ZNF33B: variants seen among roughly 807,000 people sequenced by gnomAD.
ZNF33B encodes zinc finger protein 11b (KOX 2).
A neutral mutation model predicts 45.8 loss-of-function variants in ZNF33B; 29 were observed. That is an observed-to-expected ratio of 0.63 (90% CI 0.47 to 0.86). ZNF33B has a LOEUF of 0.86. Ranked by LOEUF, ZNF33B falls within the 40% of genes least tolerant of loss-of-function variation. ZNF33B has a pLI of 0.00. For synonymous variants in ZNF33B, 305 were observed against 307.8 expected, an observed-to-expected ratio of 0.99 and a Z score of 0.10; for missense variants, 831 against 909.9, an observed-to-expected ratio of 0.91 and a Z score of 1.12.
chr10:42,614,493 T>C (rs1318969708), intron 4 of ZNF33B: 1 of 152,454 alleles, frequency 6.6e-6, no homozygotes, highest in Non-Finnish European at 1.5e-5. Flanking sequence ...CCAATGTTGG[T>C]TCAACAGCTG....
rs970879784 is a variant in ZNF33B, at chr10:42,590,671, T to C, written c.*1942A>G. On this transcript the variant is annotated 3_prime_UTR_variant, in exon 5 of 5. Coordinates refer to ENST00000359467, the MANE Select transcript of ZNF33B (RefSeq NM_006955.3). ...CTTTTATGAGCTTTGAGAGAATGCA[T>C]CTTGCAAGGAATTGATCCATTTTAG... is the stretch of plus-strand genomic sequence containing the variant. 2.0e-5 allele frequency: 3 copies of C among 152,228 alleles called. No individual in the cohort carries two copies. The highest frequency in any genetic ancestry group is 7.2e-5 in the African/African-American group (3 of 41,466). The allele number at this position is 152,228 out of a possible 1,614,324, so 9.4% of individuals were successfully genotyped here.
intron 1 of ZNF33B, among the ~76,000 whole-genome samples, chr10:42,576,903 C>T (rs576232092): frequency 2.0e-5 from 3 of 151,998 alleles, no homozygotes; most frequent in Non-Finnish European, 2.9e-5. Flanking sequence ...GAGGCCAAGG[C>T]GGCTGGATCA....
rs158388 is a variant in ZNF33B at position 42,628,367 on chromosome 10, T to C, written c.250+3562A>G. On this transcript the variant is annotated intron_variant, in intron 4 of 4. Coordinates refer to ENST00000359467, the MANE Select transcript of ZNF33B (RefSeq NM_006955.3). ...CTTCAGTCCTGTTGGCTGATGTTGCTGTCCTGTTCTTCTATATCTGCTAGT... is the reference window on the plus strand; with the variant it reads ...CTTCAGTCCTGTTGGCTGATGTTGCCGTCCTGTTCTTCTATATCTGCTAGT... Among the ~76,000 whole-genome samples the C allele has an allele frequency of 5.4e-3, 825 of 152,376 alleles. 1 individual carries two copies. Among genetic ancestry groups the C allele is most frequent in the African/African-American group, 0.019 (794 of 41,560 alleles).
chr10:42,617,444 A>C (rs1419090754), intron 4 of ZNF33B, among the ~76,000 whole-genome samples: 1 of 152,206 alleles, frequency 6.6e-6, no homozygotes, highest in Non-Finnish European at 1.5e-5. Flanking sequence ...GGAAGAAATA[A>C]TGAGAAGATT....
intron 1 of ZNF33B, among the ~76,000 whole-genome samples, chr10:42,576,753 T>C (rs139017846): frequency 0.017 from 2,627 of 152,174 alleles, 76 homozygotes; most frequent in African/African-American, 0.06. Context: ...ATAAGAATGG[T>C]GGAAAACAAG....
chr10:42,593,816 T>C lies in ZNF33B; in HGVS notation c.1134A>G (p.Ser378=). The change falls in exon 5 of 5, where the codon TCA becomes TCG. Residue 378 remains serine, a synonymous_variant. Coordinates refer to ENST00000359467, the MANE Select transcript of ZNF33B (RefSeq NM_006955.3). ...ATTCAAAAGGTTTCTCCCCTGTGTG[T>C]GATCTCTGATGTTTAGTGAGGTTTG... ...EKSNLTKHQR[S]HTGEKPFECN... 6.2e-7 allele frequency: 1 copy of C among 1,614,086 alleles called. No homozygotes were observed. Among genetic ancestry groups the C allele is most frequent in the Non-Finnish European group, 8.5e-7 (1 of 1,179,950 alleles).
At chr10:42,617,620 T>C (rs1389740468) in intron 4 of ZNF33B, among the ~76,000 whole-genome samples, 6 of 152,202 alleles carry the variant, frequency 3.9e-5, no homozygotes, top group African/African-American at 1.4e-4. Flanking sequence ...GCCACAGGTA[T>C]AGATTTTTGT....
At chr10:42,623,413 T>C (rs1838675222) in intron 4 of ZNF33B, among the ~76,000 whole-genome samples, 1 of 152,226 alleles carries the variant, frequency 6.6e-6, no homozygotes, top group Non-Finnish European at 1.5e-5. Context: ...GATAATGATA[T>C]ACCAGTGTTC....
chr10:42,609,955 T>C (rs1838032249), intron 4 of ZNF33B, among the ~76,000 whole-genome samples: 1 of 152,034 alleles, frequency 6.6e-6, no homozygotes, highest in African/African-American at 2.4e-5. Context: ...ACTAACATCA[T>C]ACTAAATAAT....
chr10:42,607,206 T>C (rs1411283436), intron 4 of ZNF33B, among the ~76,000 whole-genome samples: 2 of 152,174 alleles, frequency 1.3e-5, no homozygotes, highest in Non-Finnish European at 2.9e-5. Context: ...AAATCTGAAG[T>C]AGATTTTGAT....
intron 4 of ZNF33B, among the ~76,000 whole-genome samples, chr10:42,630,935 T>C (rs1408776376): frequency 6.6e-6 from 1 of 152,170 alleles, no homozygotes; most frequent in African/African-American, 2.4e-5. Flanking sequence ...TTTTTGGTCA[T>C]TCCTGAAAAC....
intron 1 of ZNF33B, chr10:42,581,491 T>TAAA (rs1836824599): frequency 7.8e-6 from 1 of 128,372 alleles, no homozygotes; most frequent in East Asian, 2.3e-4. Context: ...AAAAAAAAAG[T>TAAA]GTGTCCACGG....
chr10:42,578,822 T>C (rs1372509739), intron 1 of ZNF33B: 1 of 152,236 alleles, frequency 6.6e-6, no homozygotes. Flanking sequence ...AAAACTGTTT[T>C]CTCCACTACG....
intron 1 of ZNF33B, 129 bp from the exon 2 acceptor site, chr10:42,637,101 C>T (rs542252751): frequency 6.2e-6 from 5 of 809,514 alleles, no homozygotes; most frequent in South Asian, 1.7e-5. Flanking sequence ...TATCAATGTC[C>T]TCTGACACTT....
intron 4 of ZNF33B, among the ~76,000 whole-genome samples, chr10:42,615,039 A>T (rs767985948): frequency 6.6e-6 from 1 of 152,208 alleles, no homozygotes; most frequent in Non-Finnish European, 1.5e-5. Context: ...CAACTACTGG[A>T]TTGGTATAAT....
chr10:42,606,451 C>T (rs1157004206), intron 4 of ZNF33B, among the ~76,000 whole-genome samples: 2 of 151,912 alleles, frequency 1.3e-5, no homozygotes, highest in Non-Finnish European at 2.9e-5. Context: ...GGCAACAAAG[C>T]GAGACTCCAT....
At chr10:42,623,082 C>T (rs1432083948) in intron 4 of ZNF33B, among the ~76,000 whole-genome samples, 1 of 152,160 alleles carries the variant, frequency 6.6e-6, no homozygotes, top group East Asian at 1.9e-4. Context: ...GCCTGGCCAA[C>T]ATGGTGAAAC....
At chr10:42,613,204 T>C (rs1838172211) in intron 4 of ZNF33B, among the ~76,000 whole-genome samples, 1 of 152,132 alleles carries the variant, frequency 6.6e-6, no homozygotes, top group Non-Finnish European at 1.5e-5. Context: ...ATGGGTATGA[T>C]TAACAATTCT....
intron 4 of ZNF33B, among the ~76,000 whole-genome samples, chr10:42,630,476 G>C (rs549622105): frequency 6.6e-6 from 1 of 152,304 alleles, no homozygotes; most frequent in East Asian, 1.9e-4. Context: ...ACTCGGGAAT[G>C]TGCAGTTTTA....
Sources: gnomAD v4.1 joint callset for allele counts (sites outside exome capture counted in the v4.1 genomes callset) on GRCh38, gnomAD v4.1.1 for gene constraint, MANE v1.5 for transcripts, NCBI Gene and HGNC (gene_info 2026-07-23, HGNC 2026-07-21) for gene names.